The following MDGA2 variants were observed in gnomAD, a reference collection of about 807,000 sequenced individuals.
MDGA2 encodes MAM domain-containing glycosylphosphatidylinositol anchor protein 2.
In MDGA2, 40 loss-of-function variants were observed where a neutral mutation model predicts 117.8. That is an observed-to-expected ratio of 0.34 (90% CI 0.26 to 0.44). MDGA2 has a LOEUF of 0.44. MDGA2 is among the 20% of genes least tolerant of loss of function. MDGA2 has a pLI of 1.00. For synonymous variants in MDGA2, 452 were observed against 439.0 expected (o/e 1.03, Z -0.37); for missense variants, 1,123 against 1,250.6 (o/e 0.90, Z 1.54).
chr14:47,254,343 G>C (rs532144545), intron 2 of MDGA2, among the ~76,000 whole-genome samples: 12 of 152,260 alleles, frequency 7.9e-5, no homozygotes, highest in African/African-American at 2.9e-4. Flanking sequence ...ATGCTTTGCT[G>C]CTTAGAAATT....
At chr14:46,907,219 C>G (rs1883533135) in intron 10 of MDGA2, among the ~76,000 whole-genome samples, 1 of 152,050 alleles carries the variant, frequency 6.6e-6, no homozygotes, top group Non-Finnish European at 1.5e-5. Flanking sequence ...CTCGGGTGAT[C>G]CTCCTGCCTT....
intron 10 of MDGA2, among the ~76,000 whole-genome samples, chr14:46,891,999 C>A (rs1183612494): frequency 6.6e-6 from 1 of 151,724 alleles, no homozygotes; most frequent in Non-Finnish European, 1.5e-5. Flanking sequence ...GGTTAACATA[C>A]CCTCATCTGT....
At chr14:46,885,249 A>T (rs1882629267) in intron 10 of MDGA2, among the ~76,000 whole-genome samples, 1 of 152,196 alleles carries the variant, frequency 6.6e-6, no homozygotes, top group Non-Finnish European at 1.5e-5. Flanking sequence ...TAAACTTTCA[A>T]GTTAAAAAAT....
At chr14:47,318,455 C>T (rs1267725075) in intron 1 of MDGA2, among the ~76,000 whole-genome samples, 1 of 152,110 alleles carries the variant, frequency 6.6e-6, no homozygotes, top group Admixed American at 6.6e-5. Context: ...CTCATGGACA[C>T]ATTCCTTGAC....
chr14:47,534,614 A>G (rs906826869), intron 1 of MDGA2, among the ~76,000 whole-genome samples: 3 of 152,074 alleles, frequency 2.0e-5, no homozygotes, highest in Non-Finnish European at 4.4e-5. Context: ...AACCACCCTC[A>G]TGCTCCAATC....
intron 3 of MDGA2, among the ~76,000 whole-genome samples, chr14:47,170,952 G>T (rs944086164): frequency 7.2e-5 from 11 of 152,080 alleles, no homozygotes; most frequent in Non-Finnish European, 1.5e-5. Context: ...GGTTTATAGA[G>T]CATCTTCTCA....
chr14:47,137,695 G>A (rs1052202835), intron 4 of MDGA2, among the ~76,000 whole-genome samples: 4 of 152,028 alleles, frequency 2.6e-5, no homozygotes, highest in Non-Finnish European at 4.4e-5. Context: ...CCTAATCTCA[G>A]GTGTTCCTAT....
intron 3 of MDGA2, among the ~76,000 whole-genome samples, chr14:47,145,226 G>C (rs1376755289): frequency 6.6e-6 from 1 of 152,140 alleles, no homozygotes; most frequent in Non-Finnish European, 1.5e-5. Context: ...TAGAGGCTCA[G>C]CATTTTCTGA....
chr14:47,544,501 T>G (rs1895419143), intron 1 of MDGA2, among the ~76,000 whole-genome samples: 1 of 152,182 alleles, frequency 6.6e-6, no homozygotes, highest in South Asian at 2.1e-4. Context: ...AGCCTAATAC[T>G]CCCCTCTCCA....
In MDGA2 at chr14:47,570,055, T is replaced by C. The variant is rs564487828; in HGVS notation, c.280+104462A>G. ...AACCTCACACATTGATCAAATCTAA[T>C]GAATAAAGGAAAAGGTTTTTTTTAA... On this transcript the variant is annotated intron_variant, in intron 1 of 16. Transcript: ENST00000399232. Among the ~76,000 whole-genome samples the C allele has an allele frequency of 1.3e-4, 20 of 152,218 alleles. No homozygotes were observed. The South Asian group carries it at 2.7e-3, about 20-fold the overall frequency.
intron 5 of MDGA2, among the ~76,000 whole-genome samples, chr14:47,108,068 C>T (rs1378044692): frequency 6.7e-6 from 1 of 149,784 alleles, no homozygotes; most frequent in Non-Finnish European, 1.5e-5. Flanking sequence ...TATGGTCCTC[C>T]ATCTTCAAGA....
chr14:47,596,311 T>A (rs901323762), intron 1 of MDGA2, among the ~76,000 whole-genome samples: 1 of 152,202 alleles, frequency 6.6e-6, no homozygotes, highest in African/African-American at 2.4e-5. Flanking sequence ...TTAACTAACT[T>A]TAAGCATTTG....
intron 1 of MDGA2, 24 bp downstream of exon 1, chr14:47,674,493 C>A (rs558370333): frequency 1.3e-6 from 2 of 1,541,942 alleles, no homozygotes; most frequent in South Asian, 2.4e-5. Flanking sequence ...CACAAGGTCA[C>A]GATAGCGTCG....
intron 6 of MDGA2, among the ~76,000 whole-genome samples, chr14:47,087,051 G>A (rs1469862112): frequency 2.6e-5 from 4 of 152,024 alleles, no homozygotes. Context: ...TTATTTTCCT[G>A]GTTTAATATC....
intron 3 of MDGA2, among the ~76,000 whole-genome samples, chr14:47,203,836 G>T (rs942909269): frequency 2.0e-5 from 3 of 151,818 alleles, no homozygotes; most frequent in Non-Finnish European, 2.9e-5. Context: ...GTTAAAACCC[G>T]CAATATGGTT....
At chr14:47,594,735 G>A (rs1334664739) in intron 1 of MDGA2, among the ~76,000 whole-genome samples, 1 of 152,196 alleles carries the variant, frequency 6.6e-6, no homozygotes, top group South Asian at 2.1e-4. Context: ...TTCCCACTGC[G>A]AGGTGCCATG....
At position 46,920,164 on chromosome 14, in the gene MDGA2, A is replaced by T. The variant is rs1884070328; in HGVS notation, c.2090-4T>A. On this transcript the variant is annotated splice_region_variant and splice_polypyrimidine_tract_variant and intron_variant, in intron 9 of 16. Transcript: ENST00000399232. ...AATTCTGGAGCATAGGCCTTTCCTGAAAACAGAAAGTGTGCTTAAATTTGA... is the reference window on the plus strand; with the variant it reads ...AATTCTGGAGCATAGGCCTTTCCTGTAAACAGAAAGTGTGCTTAAATTTGA... 6.2e-7 allele frequency: 1 copy of T among 1,606,012 alleles called. No individual in the cohort carries two copies. The highest frequency in any genetic ancestry group is 1.7e-5 in the Admixed American group (1 of 58,506).
chr14:47,418,037 T>C (rs1246804080), intron 1 of MDGA2, among the ~76,000 whole-genome samples: 1 of 151,978 alleles, frequency 6.6e-6, no homozygotes, highest in Non-Finnish European at 1.5e-5. Context: ...TATCTTAGTT[T>C]GTTTGGGCTG....
At chr14:47,219,453 C>T (rs1205463158) in intron 2 of MDGA2, among the ~76,000 whole-genome samples, 1 of 151,848 alleles carries the variant, frequency 6.6e-6, no homozygotes, top group Admixed American at 6.6e-5. Context: ...CACAAAGATG[C>T]AAATGGCATA....
Sources: allele counts gnomAD v4.1 joint callset (sites outside exome capture counted in the v4.1 genomes callset), GRCh38; gene constraint gnomAD v4.1.1; transcripts MANE v1.5; gene names NCBI Gene and HGNC (gene_info 2026-07-23, HGNC 2026-07-21).